Variants in MUC22 observed in about 807,000 individuals in gnomAD.
The protein encoded by MUC22 is mucin-22.
In MUC22, 24 loss-of-function variants were observed where a neutral mutation model predicts 40.3. The ratio of observed to expected loss-of-function variants is 0.60; its 90% CI spans 0.43 to 0.84. MUC22 has a LOEUF of 0.84. Ranked by LOEUF, MUC22 falls within the 40% of genes least tolerant of loss-of-function variation. MUC22 has a pLI of 0.00. For synonymous variants in MUC22, 765 were observed against 844.5 expected (o/e 0.91, Z 1.63); for missense variants, 1,926 against 2,130.7 (o/e 0.90, Z 1.89).
intron 1 of MUC22, among the ~76,000 whole-genome samples, chr6:31,022,517 A>G (rs1179865563): frequency 6.6e-6 from 1 of 152,090 alleles, no homozygotes; most frequent in African/African-American, 2.4e-5. Flanking sequence ...TATGCAAAAA[A>G]GAATGAAGTG....
exon 1 of MUC22, chr6:31,010,606 A>C: frequency 1.5e-6 from 1 of 655,890 alleles, no homozygotes; most frequent in Non-Finnish European, 2.8e-6. Flanking sequence ...ATTTTCTATC[A>C]AGGCCCAGGG....
At chr6:31,009,231 G>A (rs1022110050), upstream of MUC22, among the ~76,000 whole-genome samples, 2 of 152,136 alleles carry the variant, frequency 1.3e-5, no homozygotes, top group Non-Finnish European at 2.9e-5. Flanking sequence ...ATTCTTTAAT[G>A]TATTTATTTT....
At chr6:31,033,619 G>A (rs1766237463) in intron 3 of MUC22, among the ~76,000 whole-genome samples, 1 of 152,224 alleles carries the variant, frequency 6.6e-6, no homozygotes, top group African/African-American at 2.4e-5. Flanking sequence ...GTATAAATCA[G>A]TGGTGTGCTG....
At chr6:31,007,742 T>C (rs1420702345), upstream of MUC22, among the ~76,000 whole-genome samples, 1 of 152,218 alleles carries the variant, frequency 6.6e-6, no homozygotes, top group Non-Finnish European at 1.5e-5. The surrounding 1 kb of genome is among the most constrained non-coding windows in gnomAD (Gnocchi z 4.0). Context: ...TTCCCTACTC[T>C]GTGCGAAACT....
intron 1 of MUC22, among the ~76,000 whole-genome samples, chr6:31,017,287 C>A (rs545327939): frequency 1.3e-5 from 2 of 152,152 alleles, no homozygotes; most frequent in South Asian, 2.1e-4. Flanking sequence ...ACTTGGAGAA[C>A]CTTTATGTCT....
chr6:31,026,065 G>A, exon 2 of MUC22: 1 of 1,530,332 alleles, frequency 6.5e-7, no homozygotes, highest in Non-Finnish European at 8.8e-7. Flanking sequence ...CTCTACCACA[G>A]GCTCTGAAAC....
chr6:31,007,806 C>T (rs143811711), upstream of MUC22, among the ~76,000 whole-genome samples: 12 of 152,320 alleles, frequency 7.9e-5, no homozygotes, highest in African/African-American at 2.9e-4. This position sits in a 1 kb window ranked among gnomAD's most constrained non-coding sequence, Gnocchi z 4.0. Context: ...CCCCTGTTTG[C>T]TCTTTCCTTC....
Position 31,027,695 on chromosome 6 carries a change from C to A in MUC22, c.2264C>A (p.Thr755Asn), listed in dbSNP as rs1261818921. ...ACAGTCTTTACCATAGGCTCTGACA[C>A]CACCACAGCCTCTACTGAAGGCTCT... is the stretch of plus-strand genomic sequence containing the variant. Residue 755 changes from threonine to asparagine, a missense_variant, in exon 2 of 4, where the codon ACC becomes AAC. Around this residue, in one of 3 missense-constraint regions of MUC22, gnomAD observed 1,281 missense variants for 1,337.8 expected, o/e 0.96. Coordinates refer to ENST00000561890, the Ensembl canonical transcript of MUC22. 5.2e-6 allele frequency: 8 copies of A among 1,532,586 alleles called. No individual in the cohort carries two copies. Among genetic ancestry groups the A allele is most frequent in the Non-Finnish European group, 7.0e-6 (8 of 1,145,526 alleles). 94.9% of individuals were successfully genotyped at this position (1,532,586 alleles called of 1,614,324 possible).
intron 1 of MUC22, among the ~76,000 whole-genome samples, chr6:31,013,874 TG>T (rs1764016150): frequency 6.6e-6 from 1 of 151,452 alleles, no homozygotes; most frequent in Admixed American, 6.6e-5. Context: ...TGAGGTTTTT[TG>T]GGTTTTTTTT....
chr6:31,018,410 T>A (rs1764417604), intron 1 of MUC22, among the ~76,000 whole-genome samples: 1 of 152,204 alleles, frequency 6.6e-6, no homozygotes, highest in Admixed American at 6.5e-5. Context: ...TTCCACAGAA[T>A]TAATAATCTA....
exon 4 of MUC22, chr6:31,034,900 A>G: frequency 1.3e-6 from 2 of 1,535,576 alleles, no homozygotes; most frequent in Non-Finnish European, 1.7e-6. Flanking sequence ...CTACGGAGTG[A>G]ATCATGGCGG....
chr6:31,021,902 A>G (rs576242334), intron 1 of MUC22, among the ~76,000 whole-genome samples: 3 of 151,924 alleles, frequency 2.0e-5, no homozygotes, highest in Non-Finnish European at 4.4e-5. Flanking sequence ...AGATTTTGCT[A>G]CTGCTCACTT....
At chr6:31,018,676 T>C (rs944665951) in intron 1 of MUC22, among the ~76,000 whole-genome samples, 30 of 152,284 alleles carry the variant, frequency 2.0e-4, no homozygotes, top group African/African-American at 6.3e-4. Context: ...TACCCCATCA[T>C]GCAAATCTGT....
At chr6:31,007,538 A>G (rs1307973668), upstream of MUC22, among the ~76,000 whole-genome samples, 1 of 152,218 alleles carries the variant, frequency 6.6e-6, no homozygotes, top group Non-Finnish European at 1.5e-5. This position sits in a 1 kb window ranked among gnomAD's most constrained non-coding sequence, Gnocchi z 4.0. Context: ...TAGAAGGGAA[A>G]GCAGACCCCT....
chr6:31,007,252 A>C (rs1763579814), upstream of MUC22, among the ~76,000 whole-genome samples: 1 of 150,606 alleles, frequency 6.6e-6, no homozygotes, highest in Non-Finnish European at 1.5e-5. The surrounding 1 kb of genome is among the most constrained non-coding windows in gnomAD (Gnocchi z 4.0). Context: ...ATGGGCACTC[A>C]AGCACATAGG....
At position 31,028,305 on chromosome 6, in the gene MUC22, T is replaced by G. The variant is rs544967497; in HGVS notation, c.2874T>G (p.Ser958=). 19 of 1,533,210 alleles carry G rather than the reference T, an allele frequency of 1.2e-5. 1 individual carries two copies. In the African/African-American group the frequency reaches 2.3e-4, roughly 19 times the overall value. 95.0% of individuals were successfully genotyped at this position (1,533,210 alleles called of 1,614,324 possible). A position where few individuals can be genotyped will look rare whatever the true frequency, so the allele number is the denominator to read the frequency against. The change falls in exon 2 of 4, where the codon TCT becomes TCG. Residue 958 remains serine, a synonymous_variant. Transcript: ENST00000561890. ...CAGGCTCTGAGACCACTAAAGTTTCTACCACAGGTTCAGAGACCACCACCA... is the reference window on the plus strand; with the variant it reads ...CAGGCTCTGAGACCACTAAAGTTTCGACCACAGGTTCAGAGACCACCACCA...
At chr6:31,007,706 T>C (rs1763603068), upstream of MUC22, among the ~76,000 whole-genome samples, 1 of 152,196 alleles carries the variant, frequency 6.6e-6, no homozygotes, top group Non-Finnish European at 1.5e-5. The surrounding 1 kb of genome is among the most constrained non-coding windows in gnomAD (Gnocchi z 4.0). Flanking sequence ...AATTGTGTAC[T>C]CTACGTAATT....
chr6:31,017,811 A>C (rs1764343344), intron 1 of MUC22, among the ~76,000 whole-genome samples: 1 of 152,246 alleles, frequency 6.6e-6, no homozygotes, highest in South Asian at 2.1e-4. Context: ...AGGGAATAAA[A>C]GCAGGCTGCC....
chr6:31,011,386 A>G lies in MUC22; in HGVS notation c.70+610A>G, dbSNP rs1309453416. On this transcript the variant is annotated intron_variant, in intron 1 of 3. Coordinates refer to ENST00000561890, the Ensembl canonical transcript of MUC22. The surrounding 1 kb of genome is among the most constrained non-coding windows in gnomAD (Gnocchi z 4.5). ...CCTAGTGCCCAAAGTCCACTGTATC[A>G]TTCTCATGCGTTTGAGTCCTCACAG... 6.6e-6 allele frequency among the ~76,000 whole-genome samples: 1 copy of G among 152,088 alleles called. No homozygotes were observed. Among genetic ancestry groups the G allele is most frequent in the Non-Finnish European group, 1.5e-5 (1 of 68,002 alleles).
Sources: gnomAD v4.1 joint callset for allele counts (sites outside exome capture counted in the v4.1 genomes callset) on GRCh38, gnomAD v4.1.1 for gene constraint, gnomAD v4.1.1 regional missense constraint, Gnocchi (gnomAD v3.1) non-coding constraint, MANE v1.5 for transcripts, NCBI Gene and HGNC (gene_info 2026-07-23, HGNC 2026-07-21) for gene names.